CNTN4: variants seen among roughly 807,000 people sequenced by gnomAD.
CNTN4 encodes contactin-4.
In CNTN4, 77 loss-of-function variants were observed where a neutral mutation model predicts 122.5. The ratio of observed to expected loss-of-function variants is 0.63; its 90% CI spans 0.52 to 0.76. CNTN4 has a LOEUF of 0.76. Ranked by LOEUF, CNTN4 falls within the 30% of genes least tolerant of loss-of-function variation. CNTN4 has a pLI of 0.00. For missense variants in CNTN4, 1,256 were observed against 1,259.1 expected, an observed-to-expected ratio of 1.00 and a Z score of 0.04; for synonymous variants, 512 against 447.0, an observed-to-expected ratio of 1.15 and a Z score of -1.83.
At chr3:2,588,907 C>T (rs1456214700) in intron 4 of CNTN4, among the ~76,000 whole-genome samples, 1 of 150,888 alleles carries the variant, frequency 6.6e-6, no homozygotes, top group African/African-American at 2.4e-5. Context: ...CTACATTTTT[C>T]ATATAGGTAA....
intron 3 of CNTN4, among the ~76,000 whole-genome samples, chr3:2,534,937 G>A (rs1319618711): frequency 1.3e-5 from 2 of 150,730 alleles, no homozygotes; most frequent in Non-Finnish European, 3.0e-5. Context: ...AGTGTGTTGA[G>A]GAGATGGGAT....
chr3:2,525,445 T>C lies in CNTN4; in HGVS notation c.-88-45971T>C, dbSNP rs565422750. 3.3e-5 allele frequency among the ~76,000 whole-genome samples: 5 copies of C among 152,274 alleles called. No individual in the cohort carries two copies. In the South Asian group the frequency reaches 1.0e-3, roughly 32 times the overall value. On this transcript the variant is annotated intron_variant, in intron 3 of 24. Coordinates refer to ENST00000418658, the MANE Select transcript of CNTN4 (RefSeq NM_175607.3). ...AAATTTCAGTCAGTTGAAAATATTT[T>C]AAAGTCCATATATATCTGTGAAAGG...
In CNTN4 at chr3:2,468,742, G is replaced by A. The variant is rs568336494; in HGVS notation, c.-88-102674G>A. On this transcript the variant is annotated intron_variant, in intron 3 of 24. Coordinates refer to ENST00000418658, the MANE Select transcript of CNTN4 (RefSeq NM_175607.3). ...CTTCTCTATGCTTCTAAGTATCTTC[G>A]CCTTTAGTTCTCATGCATCTCAAGG... Among the ~76,000 whole-genome samples the A allele has an allele frequency of 4.8e-4, 73 of 151,560 alleles. 1 individual carries two copies. The highest frequency in any genetic ancestry group is 5.9e-4 in the Non-Finnish European group (40 of 67,888).
At chr3:2,558,625 A>G (rs559013026) in intron 3 of CNTN4, among the ~76,000 whole-genome samples, 3 of 152,168 alleles carry the variant, frequency 2.0e-5, no homozygotes, top group Non-Finnish European at 4.4e-5. Flanking sequence ...TATGGAGTCT[A>G]CTGAGTTTTC....
intron 10 of CNTN4, among the ~76,000 whole-genome samples, chr3:2,900,252 A>G (rs1429260611): frequency 3.3e-5 from 5 of 152,214 alleles, no homozygotes; most frequent in Admixed American, 6.5e-5. Context: ...TTTCACACAC[A>G]TACAGTTGGC....
intron 2 of CNTN4, among the ~76,000 whole-genome samples, chr3:2,124,607 A>G (rs1367524656): frequency 6.6e-6 from 1 of 151,906 alleles, no homozygotes; most frequent in African/African-American, 2.4e-5. Context: ...AACAACAACA[A>G]TGACAACAAC....
intron 6 of CNTN4, among the ~76,000 whole-genome samples, chr3:2,747,872 C>G (rs1275268081): frequency 6.6e-6 from 1 of 152,208 alleles, no homozygotes; most frequent in African/African-American, 2.4e-5. Context: ...CAAAAACAAA[C>G]TTGACATCTC....
At chr3:2,524,301 G>A (rs1055473540) in intron 3 of CNTN4, among the ~76,000 whole-genome samples, 6 of 152,018 alleles carry the variant, frequency 3.9e-5, no homozygotes, top group Admixed American at 6.6e-5. Flanking sequence ...CCATATTGTC[G>A]TGTGCATCAG....
chr3:2,189,067 C>T (rs140862639), intron 2 of CNTN4, among the ~76,000 whole-genome samples: 16 of 152,246 alleles, frequency 1.1e-4, no homozygotes, highest in African/African-American at 3.9e-4. Context: ...AAATTCAGCC[C>T]ATAACCTGAC....
intron 13 of CNTN4, among the ~76,000 whole-genome samples, chr3:2,961,076 A>T (rs1450219650): frequency 2.1e-5 from 3 of 141,956 alleles, no homozygotes; most frequent in African/African-American, 7.7e-5. Flanking sequence ...TAAAAATACA[A>T]AAAATTAGCC....
chr3:2,252,392 A>G (rs2149687849), intron 2 of CNTN4, among the ~76,000 whole-genome samples: 2 of 151,914 alleles, frequency 1.3e-5, no homozygotes, highest in Non-Finnish European at 2.9e-5. Context: ...CGTTTTTGAT[A>G]TTTCTAAACA....
intron 3 of CNTN4, among the ~76,000 whole-genome samples, chr3:2,492,876 C>T (rs1125102): frequency 6.6e-6 from 1 of 151,836 alleles, no homozygotes; most frequent in African/African-American, 2.4e-5. Context: ...TGTCTAAAGT[C>T]GTTTTAATCT....
chr3:2,238,234 T>C (rs1213090491), intron 2 of CNTN4, among the ~76,000 whole-genome samples: 2 of 152,278 alleles, frequency 1.3e-5, no homozygotes, highest in Middle Eastern at 6.8e-3. Context: ...TATTATCTTC[T>C]AGGAATTGTA....
chr3:2,334,599 C>G (rs899949561), intron 2 of CNTN4, among the ~76,000 whole-genome samples: 1 of 152,070 alleles, frequency 6.6e-6, no homozygotes, highest in African/African-American at 2.4e-5. Flanking sequence ...TCAAATATGA[C>G]TTTAGAACCT....
chr3:2,955,892 C>CA (rs2124924752), intron 13 of CNTN4, among the ~76,000 whole-genome samples: 1 of 152,056 alleles, frequency 6.6e-6, no homozygotes, highest in East Asian at 1.9e-4. Context: ...GACATGTCCT[C>CA]AAAAAAATTA....
At chr3:2,479,405 A>T (rs571387774) in intron 3 of CNTN4, among the ~76,000 whole-genome samples, 6 of 152,362 alleles carry the variant, frequency 3.9e-5, no homozygotes, top group African/African-American at 1.2e-4. Flanking sequence ...CGAATGTAAC[A>T]AACCACACAA....
At chr3:2,995,930 C>A (rs552942088) in intron 14 of CNTN4, among the ~76,000 whole-genome samples, 1 of 152,112 alleles carries the variant, frequency 6.6e-6, no homozygotes, top group South Asian at 2.1e-4. Flanking sequence ...CAAAGGTGTT[C>A]CTTGTGTTGT....
intron 2 of CNTN4, among the ~76,000 whole-genome samples, chr3:2,172,862 G>A (rs2036576334): frequency 6.6e-6 from 1 of 152,158 alleles, no homozygotes; most frequent in Non-Finnish European, 1.5e-5. Context: ...AAATGAGAAA[G>A]AGAGATTGTG....
intron 4 of CNTN4, among the ~76,000 whole-genome samples, chr3:2,666,698 T>G: frequency 1.3e-5 from 2 of 151,754 alleles, no homozygotes; most frequent in African/African-American, 2.4e-5. Context: ...CACCCATTAA[T>G]TCCTCCTTTA....
Sources: gnomAD v4.1 joint callset for allele counts (sites outside exome capture counted in the v4.1 genomes callset) on GRCh38, gnomAD v4.1.1 for gene constraint, MANE v1.5 for transcripts, NCBI Gene and HGNC (gene_info 2026-07-23, HGNC 2026-07-21) for gene names.